DOK7: variants seen among roughly 807,000 people sequenced by gnomAD.
The protein encoded by DOK7 is protein Dok-7.
A neutral mutation model predicts 30.7 loss-of-function variants in DOK7; 32 were observed. The observed-to-expected ratio is 1.04, with a 90% CI of 0.79 to 1.40. The LOEUF (loss-of-function observed/expected upper bound fraction) is 1.40. Among genes scored for constraint, DOK7 ranks in the 40% most tolerant of loss-of-function variants. The probability of loss-of-function intolerance (pLI) is 0.00; values close to 1 mark genes in which losing one functional copy is unlikely to be tolerated. For missense variants in DOK7, 1,007 were observed against 699.2 expected (o/e 1.44, Z -4.97); for synonymous variants, 447 against 324.1 (o/e 1.38, Z -4.07).
Position 3,476,433 on chromosome 4 carries a change from C to A in DOK7, c.423C>A (p.Ala141=). 2.5e-6 allele frequency: 4 copies of A among 1,613,682 alleles called. No individual in the cohort carries two copies. The highest frequency in any genetic ancestry group is 3.4e-6 in the Non-Finnish European group (4 of 1,180,020). The change falls in exon 4 of 7, where the codon GCC becomes GCA. Residue 141 remains alanine, a synonymous_variant. Transcript: ENST00000340083. ...LHLCNDVLVL[A]RDIPPAVTGQ... ...TCTGCAATGATGTCCTCGTCTTGGC[C>A]AGGGACATCCCCCCGGCTGTCACGG...
rs377757018 is a variant in DOK7 at position 3,492,993 on chromosome 4, C to T, written c.1007C>T (p.Ser336Leu). The T allele has an allele frequency of 4.0e-5, 62 of 1,558,506 alleles. No homozygotes were observed. Among genetic ancestry groups the T allele is most frequent in the African/African-American group, 3.6e-4 (27 of 74,150 alleles). ...QLQEVGRQSS[S>L]DSGIATGSHS... ...CAGGAGGTTGGCCGCCAGAGCTCCT[C>T]GGACAGCGGCATCGCCACTGGCAGC... The change falls in exon 7 of 7, where the codon TCG (serine) becomes TTG (leucine). Residue 336 changes from serine to leucine, a missense_variant. Coordinates refer to ENST00000340083, the MANE Select transcript of DOK7 (RefSeq NM_173660.5).
At position 3,470,670 on chromosome 4, in the gene DOK7, C is replaced by T. The variant is rs571087970; in HGVS notation, c.101-2736C>T. Among the ~76,000 whole-genome samples, 15 of 152,286 alleles carry T rather than the reference C, an allele frequency of 9.8e-5. No individual in the cohort carries two copies. The South Asian group carries it at 1.7e-3, about 17-fold the overall frequency. On this transcript the variant is annotated intron_variant, in intron 2 of 6. Coordinates refer to ENST00000340083, the MANE Select transcript of DOK7 (RefSeq NM_173660.5). ...CTGTGGTCTCTGGGCCAAATCCTGC[C>T]GGAACCTGTTTTTGTAAATAAAGTT...
At chr4:3,469,319 C>T (rs937502106) in intron 2 of DOK7, among the ~76,000 whole-genome samples, 2 of 152,132 alleles carry the variant, frequency 1.3e-5, no homozygotes, top group Non-Finnish European at 2.9e-5. Context: ...CGACCCGGTG[C>T]CCTCCACCCA....
chr4:3,494,273 C>G lies in DOK7; in HGVS notation c.*772C>G. ...AAGGCTGGCTTGGCCTGTGTTTCCC[C>G]TGGCCCAGGCCTCAGCCCCTGCGTC... On this transcript the variant is annotated 3_prime_UTR_variant, in exon 7 of 7. Coordinates refer to ENST00000340083, the MANE Select transcript of DOK7 (RefSeq NM_173660.5). The G allele has an allele frequency of 1.0e-6, 1 of 985,578 alleles. No homozygotes were observed. Among genetic ancestry groups the G allele is most frequent in the African/African-American group, 1.7e-5 (1 of 57,382 alleles). The allele number at this position is 985,578 out of a possible 1,614,324, so 61.1% of individuals were successfully genotyped here. A position where few individuals can be genotyped will look rare whatever the true frequency, so the allele number is the denominator to read the frequency against.
chr4:3,498,312 G>C (rs1473698635), downstream of DOK7, among the ~76,000 whole-genome samples: 1 of 152,200 alleles, frequency 6.6e-6, no homozygotes. Context: ...TACAGATACG[G>C]ACACACTGCT....
chr4:3,479,624 G>A lies in DOK7; in HGVS notation c.532+3082G>A, dbSNP rs78810269. 2.4e-3 allele frequency among the ~76,000 whole-genome samples: 366 copies of A among 152,360 alleles called. 3 individuals carry two copies. Among genetic ancestry groups the A allele is most frequent in the Non-Finnish European group, 4.3e-3 (295 of 68,036 alleles). ...GCCCCGCCACAGCCAGCTCTGCAGA[G>A]AGCAGAGAGGGTGACCCTGGCCCAA... On this transcript the variant is annotated intron_variant, in intron 4 of 6. Transcript: ENST00000340083.
chr4:3,474,550 A>G (rs1726954247), intron 3 of DOK7, among the ~76,000 whole-genome samples: 1 of 152,178 alleles, frequency 6.6e-6, no homozygotes, highest in African/African-American at 2.4e-5. Flanking sequence ...GGCCAGGTGC[A>G]GTGGCTCATG....
At chr4:3,500,674 A>T (rs1729142779) in intron 7 of DOK7, 7 of 1,535,626 alleles carry the variant, frequency 4.6e-6, no homozygotes, top group South Asian at 1.2e-5. Context: ...GCTGCCGCTC[A>T]CTACAGAATT....
chr4:3,480,148 G>A (rs1727353886), intron 4 of DOK7, among the ~76,000 whole-genome samples: 2 of 152,334 alleles, frequency 1.3e-5, no homozygotes, highest in Middle Eastern at 3.4e-3. Context: ...GCAGGGGGAC[G>A]TTTGAGCTGG....
In DOK7 at chr4:3,476,354, A is replaced by G; in HGVS notation, c.344A>G (p.His115Arg). ...RYALGEVHRF[H>R]VTVAPGTKLE... ...CGCCTGCCCGCAGTGCATAGGTTCC[A>G]TGTGACAGTGGCTCCAGGCACCAAG... Residue 115 changes from histidine (H) to arginine (R), a missense_variant, in exon 4 of 7, where the codon CAT becomes CGT. Physicochemically the swap from His to Arg is conservative, Grantham distance 29 (BLOSUM62 0). Transcript: ENST00000340083. 2 of 1,545,290 alleles carry G rather than the reference A, an allele frequency of 1.3e-6. No individual in the cohort carries two copies. The highest frequency in any genetic ancestry group is 1.8e-6 in the Non-Finnish European group (2 of 1,139,612).
intron 2 of DOK7, among the ~76,000 whole-genome samples, chr4:3,464,650 T>G (rs1325235137): frequency 1.3e-5 from 2 of 152,070 alleles, no homozygotes; most frequent in Admixed American, 6.6e-5. Flanking sequence ...AGGTGATGCT[T>G]GGTGGATGGT....
rs1270720195 is a variant in DOK7, at chr4:3,493,821, T to C, written c.*320T>C. The C allele has an allele frequency of 1.6e-6, 2 of 1,237,140 alleles. No homozygotes were observed. Among genetic ancestry groups the C allele is most frequent in the East Asian group, 3.9e-5 (1 of 25,554 alleles). 76.6% of individuals were successfully genotyped at this position (1,237,140 alleles called of 1,614,324 possible). A position where few individuals can be genotyped will look rare whatever the true frequency, so the allele number is the denominator to read the frequency against. On this transcript the variant is annotated 3_prime_UTR_variant, in exon 7 of 7. Coordinates refer to ENST00000340083, the MANE Select transcript of DOK7 (RefSeq NM_173660.5). ...GCTGCACCTCTGTTGGCTCGTGCCT[T>C]GCACTGGGGTGCCAAGGGCTGGAGG...
At chr4:3,469,867 C>T (rs963147049) in intron 2 of DOK7, among the ~76,000 whole-genome samples, 23 of 152,166 alleles carry the variant, frequency 1.5e-4, no homozygotes, top group African/African-American at 5.3e-4. Context: ...GGGTGGGCGT[C>T]AGCTGCCGGA....
Position 3,493,232 on chromosome 4 carries a change from A to G in DOK7, c.1246A>G (p.Arg416Gly), listed in dbSNP as rs1728646675. ...ACCACGCAGCCTTTGCCTGGCTCCTAGAGACCACAGCCCCCCCTCACAGGG... is the reference window on the plus strand; with the variant it reads ...ACCACGCAGCCTTTGCCTGGCTCCTGGAGACCACAGCCCCCCCTCACAGGG... ...DTPRSLCLAPRDHSPPSQGSP... is the reference protein window; with the variant it reads ...DTPRSLCLAPGDHSPPSQGSP... The change falls in exon 7 of 7, where the codon AGA becomes GGA. Residue 416 changes from arginine (R) to glycine (G), a missense_variant. Physicochemically the swap from Arg to Gly is moderately radical, Grantham distance 125. Coordinates refer to ENST00000340083, the MANE Select transcript of DOK7 (RefSeq NM_173660.5). 2.5e-6 allele frequency: 4 copies of G among 1,611,942 alleles called. No homozygotes were observed. The highest frequency in any genetic ancestry group is 1.7e-5 in the Admixed American group (1 of 59,960).
chr4:3,463,805 G>A (rs1270615680), intron 2 of DOK7, among the ~76,000 whole-genome samples: 3 of 152,168 alleles, frequency 2.0e-5, no homozygotes, highest in South Asian at 2.1e-4. Flanking sequence ...CGGAGGGGAC[G>A]CAGGCCCTGA....
In DOK7 at chr4:3,494,237, T is replaced by A; in HGVS notation, c.*736T>A. 1 of 985,524 alleles carries A rather than the reference T, an allele frequency of 1.0e-6. No individual in the cohort carries two copies. Among genetic ancestry groups the A allele is most frequent in the Non-Finnish European group, 1.2e-6 (1 of 829,996 alleles). 61.0% of individuals were successfully genotyped at this position (985,524 alleles called of 1,614,324 possible). A position where few individuals can be genotyped will look rare whatever the true frequency, so the allele number is the denominator to read the frequency against. On this transcript the variant is annotated 3_prime_UTR_variant, in exon 7 of 7. Transcript: ENST00000340083. ...TCTGCTGGCTCCTGTCTGAACCTCC[T>A]CGCAGGGCCAAAGGCTGGCTTGGCC...
At chr4:3,467,456 C>T (rs897390230) in intron 2 of DOK7, among the ~76,000 whole-genome samples, 1 of 132,198 alleles carries the variant, frequency 7.6e-6, no homozygotes, top group Admixed American at 7.4e-5. Flanking sequence ...AAGACCCCCC[C>T]CCCCCACCCC....
At chr4:3,475,729 G>A (rs549749336) in intron 3 of DOK7, among the ~76,000 whole-genome samples, 12 of 152,228 alleles carry the variant, frequency 7.9e-5, no homozygotes, top group South Asian at 2.1e-4. Flanking sequence ...CCTGAGCCTC[G>A]GTTTCCCCTT....
chr4:3,468,357 TGTGC>T (rs1332854866), intron 2 of DOK7, among the ~76,000 whole-genome samples: 1 of 151,960 alleles, frequency 6.6e-6, no homozygotes, highest in South Asian at 2.1e-4. Flanking sequence ...TGCTTGTCTG[TGTGC>T]GTGTGTCTGT....
Sources: allele counts gnomAD v4.1 joint callset (sites outside exome capture counted in the v4.1 genomes callset), GRCh38; gene constraint gnomAD v4.1.1; transcripts MANE v1.5; gene names NCBI Gene and HGNC (gene_info 2026-07-23, HGNC 2026-07-21).